TRAF1: variants seen among roughly 807,000 people sequenced by gnomAD.
The protein encoded by TRAF1 is TNF receptor-associated factor 1.
A neutral mutation model predicts 40.9 loss-of-function variants in TRAF1; 23 were observed. The observed-to-expected ratio is 0.56, with a 90% CI of 0.40 to 0.80. TRAF1 has a LOEUF of 0.80. Ranked by LOEUF, TRAF1 falls within the 30% of genes least tolerant of loss-of-function variation. The pLI is 0.00. For missense variants in TRAF1, 477 were observed against 528.7 expected (o/e 0.90, Z 0.96); for synonymous variants, 206 against 218.8 (o/e 0.94, Z 0.52).
At position 120,903,430 on chromosome 9, in the gene TRAF1, C is replaced by T. The variant is rs1249720006; in HGVS notation, c.*1590G>A. 3.9e-5 allele frequency: 6 copies of T among 152,312 alleles called. No homozygotes were observed. The highest frequency in any genetic ancestry group is 1.3e-4 in the Admixed American group (2 of 15,276). The allele number at this position is 152,312 out of a possible 1,614,324, so 9.4% of individuals were successfully genotyped here. On this transcript the variant is annotated 3_prime_UTR_variant, in exon 8 of 8. Transcript: ENST00000373887. The stretch of plus-strand genomic sequence containing the variant: ...TGGGTTTCTGACCCATTGAGACTGC[C>T]GTGCCACGATGCTCCGTCACCTCCT...
chr9:120,914,612 G>A, intron 3 of TRAF1: 1 of 1,041,966 alleles, frequency 9.6e-7, no homozygotes, highest in Non-Finnish European at 1.2e-6. Flanking sequence ...GGGGGGCTCT[G>A]TGAGGGCCAT....
chr9:120,904,817 G>A lies in TRAF1; in HGVS notation c.*203C>T. 1 of 612,210 alleles carries A rather than the reference G, an allele frequency of 1.6e-6. No individual in the cohort carries two copies. Among genetic ancestry groups the A allele is most frequent in the Non-Finnish European group, 2.9e-6 (1 of 349,878 alleles). The allele number at this position is 612,210 out of a possible 1,614,324, so 37.9% of individuals were successfully genotyped here. On this transcript the variant is annotated 3_prime_UTR_variant, in exon 8 of 8. Coordinates refer to ENST00000373887, the MANE Select transcript of TRAF1 (RefSeq NM_005658.5). ...GAGCAGCTCTGCCTGTCTCCTTCTG[G>A]ACCCTTTGCCTTTGTGGGCCCAGCC...
At chr9:120,922,443 A>G (rs534346184) in intron 3 of TRAF1, among the ~76,000 whole-genome samples, 2 of 152,348 alleles carry the variant, frequency 1.3e-5, no homozygotes, top group Admixed American at 1.3e-4. Flanking sequence ...AAACTGATTT[A>G]TAGAATTGCC....
chr9:120,925,803 G>T, intron 2 of TRAF1, 133 bp downstream of exon 2: 1 of 1,284,032 alleles, frequency 7.8e-7, no homozygotes, highest in Non-Finnish European at 1.1e-6. Flanking sequence ...TGTGAGAAAA[G>T]GGTGTGGAAA....
Position 120,923,618 on chromosome 9 carries a change from G to A in TRAF1, c.228+87C>T, listed in dbSNP as rs111718451. On this transcript the variant is annotated intron_variant, in intron 3 of 7. Coordinates refer to ENST00000373887, the MANE Select transcript of TRAF1 (RefSeq NM_005658.5). ...AGGACTAGTTGGGAGGTGCCTGCCAGGGGTGGAGTGGGCAGCTGTCTACTT... is the reference window on the plus strand; with the variant it reads ...AGGACTAGTTGGGAGGTGCCTGCCAAGGGTGGAGTGGGCAGCTGTCTACTT... 8.8e-4 allele frequency: 1,119 copies of A among 1,277,392 alleles called. 1 individual carries two copies. The highest frequency in any genetic ancestry group is 1.1e-3 in the Non-Finnish European group (993 of 874,598). The allele number at this position is 1,277,392 out of a possible 1,614,324, so 79.1% of individuals were successfully genotyped here. A position where few individuals can be genotyped will look rare whatever the true frequency, so the allele number is the denominator to read the frequency against.
In TRAF1 at chr9:120,911,411, G is replaced by A. The variant is rs771071953; in HGVS notation, c.808C>T (p.Leu270=). ...MEEASFDGTF[L]WKITNVTRRC... ...CTGGTGACATTGGTGATCTTCCACA[G>A]GAAAGTGCCATCGAAGGAGGCCTCC... Residue 270 remains leucine (L), a synonymous_variant, in exon 6 of 8, where the codon CTG becomes TTG. Transcript: ENST00000373887. The A allele has an allele frequency of 1.5e-5, 24 of 1,613,714 alleles. No homozygotes were observed. The highest frequency in any genetic ancestry group is 1.9e-5 in the Non-Finnish European group (22 of 1,180,028).
At chr9:120,907,061 G>A (rs1005822224) in intron 7 of TRAF1, among the ~76,000 whole-genome samples, 1 of 152,022 alleles carries the variant, frequency 6.6e-6, no homozygotes, top group African/African-American at 2.4e-5. Context: ...GTAGAGACAG[G>A]GTTTCGTTAT....
intron 3 of TRAF1, among the ~76,000 whole-genome samples, chr9:120,920,354 G>T (rs1368034805): frequency 6.6e-6 from 1 of 152,184 alleles, no homozygotes; most frequent in Non-Finnish European, 1.5e-5. Context: ...TGACCTCTCT[G>T]CCATTGGAAG....
At chr9:120,927,917 C>G (rs763349938), upstream of TRAF1, 1 of 152,352 alleles carries the variant, frequency 6.6e-6, no homozygotes, top group African/African-American at 2.4e-5. Flanking sequence ...AAAACAGGCA[C>G]CCAAGACTTC....
At chr9:120,907,925 C>T (rs1230397973) in intron 7 of TRAF1, among the ~76,000 whole-genome samples, 1 of 152,038 alleles carries the variant, frequency 6.6e-6, no homozygotes, top group Non-Finnish European at 1.5e-5. Flanking sequence ...CAAGGTCTCA[C>T]TCTGTCACCC....
intron 6 of TRAF1, 105 bp downstream of exon 6, chr9:120,911,231 G>T: frequency 7.4e-7 from 1 of 1,349,778 alleles, no homozygotes; most frequent in Non-Finnish European, 1.0e-6. Flanking sequence ...GCCTAAACTG[G>T]ACACAGCGTG....
intron 2 of TRAF1, 76 bp downstream of exon 2, chr9:120,925,860 C>T (rs2046636504): frequency 3.1e-6 from 5 of 1,597,936 alleles, no homozygotes; most frequent in Non-Finnish European, 4.3e-6. Flanking sequence ...ACAGGCTCCT[C>T]TGCCCCTCAC....
Position 120,926,244 on chromosome 9 carries a change from G to T in TRAF1, c.-169C>A. 1.5e-6 allele frequency: 1 copy of T among 657,908 alleles called. No individual in the cohort carries two copies. The highest frequency in any genetic ancestry group is 2.4e-6 in the Non-Finnish European group (1 of 423,678). The allele number at this position is 657,908 out of a possible 1,614,324, so 40.8% of individuals were successfully genotyped here. ...CAACGTCACAGCTGAGTCACAGCAG[G>T]GATGGAGCAGGAATTACCCTTTGTG... is the stretch of plus-strand genomic sequence containing the variant. On this transcript the variant is annotated 5_prime_UTR_variant, in exon 2 of 8. Transcript: ENST00000373887.
chr9:120,917,827 C>T (rs796725054), intron 3 of TRAF1, among the ~76,000 whole-genome samples: 6 of 152,234 alleles, frequency 3.9e-5, no homozygotes, highest in African/African-American at 1.4e-4. Context: ...CAGAATCCTT[C>T]ATTTAATCGT....
chr9:120,922,567 A>G (rs924804146), intron 3 of TRAF1, among the ~76,000 whole-genome samples: 2 of 152,200 alleles, frequency 1.3e-5, no homozygotes, highest in Non-Finnish European at 2.9e-5. Flanking sequence ...TGGGAGGGCC[A>G]GGGTTCTAAA....
At chr9:120,916,064 A>T (rs1419768533) in intron 3 of TRAF1, among the ~76,000 whole-genome samples, 1 of 152,232 alleles carries the variant, frequency 6.6e-6, no homozygotes, top group African/African-American at 2.4e-5. Flanking sequence ...CAAATGTGTC[A>T]TCAGCTGGTG....
intron 3 of TRAF1, among the ~76,000 whole-genome samples, chr9:120,921,898 C>T (rs1370075332): frequency 1.3e-5 from 2 of 152,148 alleles, no homozygotes; most frequent in Admixed American, 1.3e-4. Flanking sequence ...GGATAGCTGC[C>T]CTGCCAGCAC....
chr9:120,919,037 G>A (rs949597832), intron 3 of TRAF1, among the ~76,000 whole-genome samples: 2 of 152,172 alleles, frequency 1.3e-5, no homozygotes, highest in Non-Finnish European at 2.9e-5. Context: ...TGCAGGCTCC[G>A]TCCTCCCCAC....
Position 120,918,736 on chromosome 9 carries a change from C to T in TRAF1, c.229-4436G>A, listed in dbSNP as rs533011718. On this transcript the variant is annotated intron_variant, in intron 3 of 7. Coordinates refer to ENST00000373887, the MANE Select transcript of TRAF1 (RefSeq NM_005658.5). ...TGGGGCTGTATTAGAGTCACCTTAA[C>T]ACAGGCAGAAACAGAGGGAATGGCT... is the stretch of plus-strand genomic sequence containing the variant. Among the ~76,000 whole-genome samples the T allele has an allele frequency of 6.6e-5, 10 of 152,342 alleles. No homozygotes were observed. The South Asian group carries it at 2.1e-3, about 32-fold the overall frequency.
Sources: gnomAD v4.1 joint callset for allele counts (sites outside exome capture counted in the v4.1 genomes callset) on GRCh38, gnomAD v4.1.1 for gene constraint, MANE v1.5 for transcripts, NCBI Gene and HGNC (gene_info 2026-07-23, HGNC 2026-07-21) for gene names.